LRFN2: variants seen among roughly 807,000 people sequenced by gnomAD.
The protein encoded by LRFN2 is leucine-rich repeat and fibronectin type-III domain-containing protein 2.
In LRFN2, 18 loss-of-function variants were observed where a neutral mutation model predicts 37.3. That is an observed-to-expected ratio of 0.48 (90% confidence interval 0.33 to 0.72). LRFN2 has a LOEUF of 0.72. LRFN2 is among the 30% of genes least tolerant of loss of function. The pLI is 0.02. For synonymous variants in LRFN2, 556 were observed against 466.6 expected (o/e 1.19, Z -2.47); for missense variants, 1,006 against 1,060.7 (o/e 0.95, Z 0.72).
At chr6:40,570,329 T>C (rs1029737020) in intron 1 of LRFN2, among the ~76,000 whole-genome samples, 25 of 152,194 alleles carry the variant, frequency 1.6e-4, no homozygotes, top group African/African-American at 6.0e-4. Flanking sequence ...CTGTTCTAAG[T>C]GCTTTACATA....
At chr6:40,409,792 A>G (rs1762926996) in intron 2 of LRFN2, among the ~76,000 whole-genome samples, 1 of 152,146 alleles carries the variant, frequency 6.6e-6, no homozygotes, top group South Asian at 2.1e-4. Flanking sequence ...AAACTTATTG[A>G]CACTTCCTTG....
Position 40,392,461 on chromosome 6 carries a change from C to T in LRFN2, c.1852G>A (p.Ala618Thr), listed in dbSNP as rs61745019. The change falls in exon 3 of 3, where the codon GCC becomes ACC. Residue 618 changes from alanine (A) to threonine (T), a missense_variant. Ala to Thr is a moderately conservative substitution (Grantham distance 58). Transcript: ENST00000338305. This position sits in a 1 kb window ranked among gnomAD's most constrained non-coding sequence, Gnocchi z 4.7. ...LLDFTASLAR[A>T]SDSSSSSSLG... ...GAGCTGGAGGAAGAGGAGTCACTGGCGCGGGCCAGGCTGGCGGTGAAGTCC... is the reference window on the plus strand; with the variant it reads ...GAGCTGGAGGAAGAGGAGTCACTGGTGCGGGCCAGGCTGGCGGTGAAGTCC... 3.9e-5 allele frequency: 61 copies of T among 1,567,516 alleles called. No homozygotes were observed. In the Middle Eastern group the frequency reaches 8.3e-4, roughly 21 times the overall value.
chr6:40,420,810 A>G (rs1212871109), intron 2 of LRFN2, among the ~76,000 whole-genome samples: 1 of 152,186 alleles, frequency 6.6e-6, no homozygotes, highest in Non-Finnish European at 1.5e-5. Context: ...GCAGACCCTG[A>G]GACAAGGATT....
chr6:40,556,385 G>A (rs1766878387), intron 1 of LRFN2, among the ~76,000 whole-genome samples: 1 of 152,208 alleles, frequency 6.6e-6, no homozygotes, highest in South Asian at 2.1e-4. Context: ...GTGATGTGAG[G>A]CTGTGCTGAG....
intron 2 of LRFN2, among the ~76,000 whole-genome samples, chr6:40,427,825 C>A (rs1207904921): frequency 6.6e-6 from 1 of 152,230 alleles, no homozygotes; most frequent in East Asian, 1.9e-4. Context: ...GGCTTGAGAA[C>A]CTCATCTACT....
At position 40,392,257 on chromosome 6, in the gene LRFN2, T is replaced by A; in HGVS notation, c.2056A>T (p.Thr686Ser). 3 of 1,590,832 alleles carry A rather than the reference T, an allele frequency of 1.9e-6. No individual in the cohort carries two copies. The highest frequency in any genetic ancestry group is 2.6e-6 in the Non-Finnish European group (3 of 1,170,350). ...SRTPAGRGAGTSARGHHSDRE... is the reference protein window; with the variant it reads ...SRTPAGRGAGSSARGHHSDRE... ...TCCGAGTGGTGGCCCCGGGCCGACG[T>A]CCCAGCCCCTCTCCCGGCTGGAGTC... Residue 686 changes from threonine to serine, a missense_variant, in exon 3 of 3, where the codon ACG (threonine) becomes TCG (serine). Around this residue, in one of 4 missense-constraint regions of LRFN2, gnomAD observed 398 missense variants for 327.6 expected, o/e 1.21. Coordinates refer to ENST00000338305, the MANE Select transcript of LRFN2 (RefSeq NM_020737.3). This position sits in a 1 kb window ranked among gnomAD's most constrained non-coding sequence, Gnocchi z 4.7.
At chr6:40,440,038 AC>A (rs1763794357) in intron 1 of LRFN2, among the ~76,000 whole-genome samples, 2 of 152,056 alleles carry the variant, frequency 1.3e-5, no homozygotes, top group Non-Finnish European at 1.5e-5. Context: ...CTTTCCCCAA[AC>A]AAAACCTTGG....
At chr6:40,496,383 G>A (rs924362837) in intron 1 of LRFN2, among the ~76,000 whole-genome samples, 7 of 152,258 alleles carry the variant, frequency 4.6e-5, no homozygotes, top group African/African-American at 1.2e-4. Context: ...AGTGGTTCCC[G>A]CTGCACCAGG....
At chr6:40,523,505 ATTT>A (rs751179915) in intron 1 of LRFN2, among the ~76,000 whole-genome samples, 1 of 129,314 alleles carries the variant, frequency 7.7e-6, no homozygotes, top group Non-Finnish European at 1.7e-5. Context: ...TCTTTAGGTG[ATTT>A]TTTTTTTTTT....
intron 2 of LRFN2, among the ~76,000 whole-genome samples, chr6:40,398,452 A>G (rs917319170): frequency 9.9e-5 from 15 of 151,824 alleles, no homozygotes; most frequent in Non-Finnish European, 2.2e-4. Context: ...ACCGAAAGCC[A>G]GAGTTCACAG....
chr6:40,536,978 G>T (rs1271034801), intron 1 of LRFN2, among the ~76,000 whole-genome samples: 2 of 152,206 alleles, frequency 1.3e-5, no homozygotes, highest in Non-Finnish European at 1.5e-5. Context: ...AACACAATGA[G>T]ATAGGGTTAT....
At chr6:40,535,605 G>C (rs912377790) in intron 1 of LRFN2, among the ~76,000 whole-genome samples, 1 of 152,134 alleles carries the variant, frequency 6.6e-6, no homozygotes. Context: ...CTTGGCCGGG[G>C]GTGGGACTAT....
intron 1 of LRFN2, among the ~76,000 whole-genome samples, chr6:40,525,112 T>A (rs1346167559): frequency 6.6e-6 from 1 of 152,226 alleles, no homozygotes; most frequent in African/African-American, 2.4e-5. Context: ...TCATTTCTGA[T>A]TCTGTGACAA....
At chr6:40,490,151 G>A (rs532202357) in intron 1 of LRFN2, among the ~76,000 whole-genome samples, 2 of 152,310 alleles carry the variant, frequency 1.3e-5, no homozygotes, top group South Asian at 4.1e-4. Context: ...CATCTCGTCA[G>A]GGTTCTGTGG....
At chr6:40,537,540 C>T (rs1009103033) in intron 1 of LRFN2, among the ~76,000 whole-genome samples, 6 of 152,164 alleles carry the variant, frequency 3.9e-5, no homozygotes, top group Non-Finnish European at 7.3e-5. Context: ...CTTCAACTGC[C>T]TCTTCAACGC....
At chr6:40,558,786 G>A (rs548059062) in intron 1 of LRFN2, among the ~76,000 whole-genome samples, 21 of 152,256 alleles carry the variant, frequency 1.4e-4, no homozygotes, top group African/African-American at 3.9e-4. Context: ...TGAGGTTAAC[G>A]TTATTAGTGC....
intron 1 of LRFN2, among the ~76,000 whole-genome samples, chr6:40,462,048 A>G (rs1442606990): frequency 6.6e-6 from 1 of 152,218 alleles, no homozygotes; most frequent in East Asian, 1.9e-4. Context: ...AAAACGTGCA[A>G]TTTACACATA....
intron 1 of LRFN2, among the ~76,000 whole-genome samples, chr6:40,501,968 A>T (rs1765393756): frequency 6.6e-6 from 1 of 152,088 alleles, no homozygotes; most frequent in Non-Finnish European, 1.5e-5. Flanking sequence ...GACTCCACAC[A>T]CCCTGTACCA....
intron 1 of LRFN2, among the ~76,000 whole-genome samples, chr6:40,540,294 G>A (rs779669259): frequency 6.6e-5 from 10 of 152,208 alleles, no homozygotes; most frequent in Non-Finnish European, 8.8e-5. Context: ...CTGATTGTGA[G>A]TTGGCCCCTA....
Sources: allele counts gnomAD v4.1 joint callset (sites outside exome capture counted in the v4.1 genomes callset), GRCh38; gene constraint gnomAD v4.1.1; regional missense constraint gnomAD v4.1.1; non-coding constraint Gnocchi (gnomAD v3.1); transcripts MANE v1.5; gene names NCBI Gene and HGNC (gene_info 2026-07-23, HGNC 2026-07-21).